The following FRMD3 variants were observed in gnomAD, a reference collection of about 807,000 sequenced individuals.
FRMD3 encodes the protein FERM domain-containing protein 3.
In FRMD3, 33 loss-of-function variants were observed where a neutral mutation model predicts 70.2. The observed-to-expected ratio is 0.47, with a 90% confidence interval of 0.36 to 0.63. FRMD3 has a LOEUF of 0.63. FRMD3 is among the 20% of genes least tolerant of loss of function. The probability of loss-of-function intolerance (pLI) is 0.00; values close to 1 mark genes in which losing one functional copy is unlikely to be tolerated. For missense variants in FRMD3, 632 were observed against 711.4 expected (o/e 0.89, Z 1.27); for synonymous variants, 279 against 255.9 (o/e 1.09, Z -0.86).
At chr9:83,397,756 T>G (rs920890181) in intron 1 of FRMD3, among the ~76,000 whole-genome samples, 2 of 152,198 alleles carry the variant, frequency 1.3e-5, no homozygotes, top group African/African-American at 4.8e-5. Flanking sequence ...ACAGCCTTCA[T>G]AAATGTACAT....
At chr9:83,580,918 A>T in the FRMD3 span, among the ~76,000 whole-genome samples, 1 of 152,170 alleles carries the variant, frequency 6.6e-6, no homozygotes, top group Non-Finnish European at 1.5e-5. Flanking sequence ...TAATTTTTTT[A>T]AATGAAAAAA....
intron 1 of FRMD3, among the ~76,000 whole-genome samples, chr9:83,404,566 C>T (rs188682909): frequency 1.3e-5 from 2 of 152,170 alleles, no homozygotes; most frequent in Non-Finnish European, 2.9e-5. Flanking sequence ...AAAATCAGAG[C>T]CCCTCTCAGG....
intron 1 of FRMD3, among the ~76,000 whole-genome samples, chr9:83,466,953 A>G (rs1461196578): frequency 6.6e-6 from 1 of 152,196 alleles, no homozygotes; most frequent in African/African-American, 2.4e-5. Flanking sequence ...AGCTAGAAAT[A>G]TCACATTGCA....
At chr9:83,534,934 A>C (rs1031312980) in intron 1 of FRMD3, among the ~76,000 whole-genome samples, 3 of 152,086 alleles carry the variant, frequency 2.0e-5, no homozygotes, top group Non-Finnish European at 4.4e-5. Context: ...AAATTCCCCT[A>C]CCTTGGATTT....
Position 83,472,108 on chromosome 9 carries a change from T to TG in FRMD3, c.147+65976_147+65977insC, listed in dbSNP as rs386415303. On this transcript the variant is annotated intron_variant, in intron 1 of 13. Coordinates refer to ENST00000304195, the MANE Select transcript of FRMD3 (RefSeq NM_174938.6). The stretch of plus-strand genomic sequence containing the variant: ...AGAGATGCCACTGGGAAAAACTCCA[T>TG]TCCCAGCCCTATTTTCCCCAGAACT... Among the ~76,000 whole-genome samples the TG allele has an allele frequency of 6.9e-4, 28 of 40,546 alleles. No homozygotes were observed. In the Admixed American group the frequency reaches 7.0e-3, roughly 10 times the overall value. The allele number at this position is 40,546 out of a possible 152,430, so 26.6% of individuals were successfully genotyped here.
intron 1 of FRMD3, among the ~76,000 whole-genome samples, chr9:83,488,949 C>T (rs1273139878): frequency 6.7e-6 from 1 of 149,036 alleles, no homozygotes; most frequent in Non-Finnish European, 1.5e-5. Context: ...TTCCCCTCAG[C>T]TGGAGCTTAG....
the FRMD3 span, among the ~76,000 whole-genome samples, chr9:83,584,811 G>A: frequency 6.6e-6 from 1 of 152,142 alleles, no homozygotes; most frequent in Admixed American, 6.5e-5. Flanking sequence ...ATCTCTCTGT[G>A]CAACAGCTGT....
intron 7 of FRMD3, among the ~76,000 whole-genome samples, chr9:83,313,177 G>A (rs978254745): frequency 1.3e-5 from 2 of 152,194 alleles, no homozygotes; most frequent in South Asian, 4.1e-4. Flanking sequence ...TGAGGTCCAG[G>A]AGATTCTGAT....
Position 83,395,758 on chromosome 9 carries a change from C to T in FRMD3, c.148-6050G>A, listed in dbSNP as rs1825794688. 3.3e-5 allele frequency among the ~76,000 whole-genome samples: 5 copies of T among 150,486 alleles called. No homozygotes were observed. The Admixed American group carries it at 3.3e-4, about 10-fold the overall frequency. The stretch of plus-strand genomic sequence containing the variant: ...AATCAATTGCCCAAGTCAGCAATAG[C>T]TTTTCTTCAATTAAAAAAAAAAAAA... On this transcript the variant is annotated intron_variant, in intron 1 of 13. Transcript: ENST00000304195.
At chr9:83,260,769 T>C (rs1314003043) in intron 13 of FRMD3, among the ~76,000 whole-genome samples, 1 of 152,158 alleles carries the variant, frequency 6.6e-6, no homozygotes, top group Non-Finnish European at 1.5e-5. Context: ...AAATGTTTTC[T>C]ATTCACAATA....
chr9:83,349,969 G>A (rs1824091459), intron 3 of FRMD3, among the ~76,000 whole-genome samples: 1 of 152,152 alleles, frequency 6.6e-6, no homozygotes, highest in African/African-American at 2.4e-5. Context: ...AGGACTCCCA[G>A]AGCAAATGTA....
At chr9:83,347,004 T>C (rs1823985772) in intron 4 of FRMD3, among the ~76,000 whole-genome samples, 1 of 152,230 alleles carries the variant, frequency 6.6e-6, no homozygotes, top group South Asian at 2.1e-4. Context: ...AAGTTTCTTT[T>C]CTGTGTATTC....
the FRMD3 span, among the ~76,000 whole-genome samples, chr9:83,567,125 C>T: frequency 3.8e-4 from 58 of 152,348 alleles, 2 homozygotes; most frequent in South Asian, 0.011. Context: ...GGCAGAGGTT[C>T]CCAAACCTCA....
At chr9:83,393,714 C>T (rs1027282032) in intron 1 of FRMD3, among the ~76,000 whole-genome samples, 2 of 151,962 alleles carry the variant, frequency 1.3e-5, no homozygotes, top group Non-Finnish European at 2.9e-5. Context: ...CCATGAGAAT[C>T]TAATGCTGCC....
chr9:83,553,960 T>C, the FRMD3 span, among the ~76,000 whole-genome samples: 2 of 152,216 alleles, frequency 1.3e-5, no homozygotes, highest in East Asian at 1.9e-4. Context: ...AGTTCTTGCA[T>C]CGGTTCTTTC....
At chr9:83,542,550 G>A (rs1830010855), upstream of FRMD3, among the ~76,000 whole-genome samples, 1 of 152,158 alleles carries the variant, frequency 6.6e-6, no homozygotes, top group Non-Finnish European at 1.5e-5. Flanking sequence ...TATAGGTTAA[G>A]TGCAACCCAA....
intron 2 of FRMD3, among the ~76,000 whole-genome samples, chr9:83,377,841 T>C (rs1400268170): frequency 6.6e-6 from 1 of 152,110 alleles, no homozygotes; most frequent in Non-Finnish European, 1.5e-5. Flanking sequence ...ACACAGTACA[T>C]TACACAAATA....
intron 4 of FRMD3, among the ~76,000 whole-genome samples, chr9:83,347,293 C>A (rs1418467360): frequency 6.8e-6 from 1 of 147,650 alleles, no homozygotes; most frequent in Non-Finnish European, 1.5e-5. Context: ...ATTAAGGATG[C>A]TCATTTTTTT....
chr9:83,386,739 A>G (rs956477931), intron 2 of FRMD3, among the ~76,000 whole-genome samples: 8 of 152,134 alleles, frequency 5.3e-5, no homozygotes, highest in African/African-American at 1.7e-4. Flanking sequence ...ATACTTGTCT[A>G]TGTTTCAGGA....
Sources: gnomAD v4.1 joint callset for allele counts (sites outside exome capture counted in the v4.1 genomes callset) on GRCh38, gnomAD v4.1.1 for gene constraint, MANE v1.5 for transcripts, NCBI Gene and HGNC (gene_info 2026-07-23, HGNC 2026-07-21) for gene names.